Variants in ABLIM2 observed in about 807,000 individuals in gnomAD.
ABLIM2 encodes the protein actin-binding LIM protein 2.
Under a neutral mutation model 97.7 loss-of-function variants are expected in ABLIM2, and 53 were observed. The observed-to-expected ratio is 0.54, with a 90% CI of 0.44 to 0.68. The LOEUF (loss-of-function observed/expected upper bound fraction) is 0.68, where lower values mean the gene tolerates loss of function less well. Among genes scored for constraint, ABLIM2 ranks in the 30% least tolerant of loss-of-function variants. The pLI is 0.00. For missense variants in ABLIM2, 835 were observed against 867.2 expected, an observed-to-expected ratio of 0.96 and a Z score of 0.47; for synonymous variants, 361 against 345.8, an observed-to-expected ratio of 1.04 and a Z score of -0.49.
chr4:8,084,249 C>T (rs780970447), intron 4 of ABLIM2, among the ~76,000 whole-genome samples: 10 of 152,196 alleles, frequency 6.6e-5, no homozygotes, highest in East Asian at 1.9e-4. Flanking sequence ...AGGACTAGAC[C>T]GGGACAGGCC....
At chr4:7,981,605 C>G (rs1399104835) in intron 20 of ABLIM2, among the ~76,000 whole-genome samples, 1 of 152,302 alleles carries the variant, frequency 6.6e-6, no homozygotes, top group South Asian at 2.1e-4. Context: ...TCCTTCTCTG[C>G]TTAAGTCACT....
intron 4 of ABLIM2, among the ~76,000 whole-genome samples, chr4:8,086,302 AT>A (rs1823574907): frequency 7.2e-6 from 1 of 139,608 alleles, no homozygotes; most frequent in Non-Finnish European, 1.6e-5. Flanking sequence ...AAAAAAAAAA[AT>A]CTCAGACAGT....
intron 6 of ABLIM2, 131 bp downstream of exon 6, chr4:8,077,497 G>T: frequency 1.1e-6 from 1 of 889,930 alleles, no homozygotes; most frequent in Non-Finnish European, 1.7e-6. Flanking sequence ...GGCTGAGCTG[G>T]CAGGAATAGG....
chr4:8,104,538 G>A (rs2152733986), intron 2 of ABLIM2, among the ~76,000 whole-genome samples: 1 of 152,296 alleles, frequency 6.6e-6, no homozygotes, highest in East Asian at 1.9e-4. Context: ...GTCCCTGATA[G>A]TCACCCACGT....
At chr4:7,967,234 G>A (rs906713911) in intron 20 of ABLIM2, 131 bp from the exon 21 acceptor site, 10 of 742,782 alleles carry the variant, frequency 1.3e-5, no homozygotes, top group South Asian at 4.7e-5. Context: ...CAGCGTGCTC[G>A]GCCTCCTGGC....
intron 3 of ABLIM2, among the ~76,000 whole-genome samples, chr4:8,090,714 TA>T (rs1561317855): frequency 4.2e-4 from 64 of 152,156 alleles, no homozygotes; most frequent in African/African-American, 1.4e-3. Flanking sequence ...TCTTTTTTTT[TA>T]TTTTTATTTT....
chr4:7,983,998 C>A (rs7686387), intron 18 of ABLIM2, among the ~76,000 whole-genome samples: 1 of 152,188 alleles, frequency 6.6e-6, no homozygotes, highest in Non-Finnish European at 1.5e-5. Context: ...ATTAACTCTA[C>A]ATTTTCTCTT....
At chr4:8,057,023 G>A (rs1005836429) in intron 7 of ABLIM2, among the ~76,000 whole-genome samples, 2 of 146,820 alleles carry the variant, frequency 1.4e-5, no homozygotes, top group African/African-American at 5.1e-5. Context: ...GCTATACAAT[G>A]TGGACAGATA....
chr4:8,006,265 T>C (rs1211933222), intron 16 of ABLIM2, among the ~76,000 whole-genome samples: 2 of 152,108 alleles, frequency 1.3e-5, no homozygotes, highest in Non-Finnish European at 2.9e-5. Flanking sequence ...GTCCGGCTTC[T>C]CCCACACAGC....
At chr4:8,077,423 A>C (rs1216296637) in intron 6 of ABLIM2, among the ~76,000 whole-genome samples, 1 of 152,238 alleles carries the variant, frequency 6.6e-6, no homozygotes, top group Non-Finnish European at 1.5e-5. Context: ...AGAGCATCAC[A>C]AGGCAGGCTT....
In ABLIM2 at chr4:8,008,064, T is replaced by G. The variant is rs761926987; in HGVS notation, c.1613A>C (p.His538Pro). The change falls in exon 16 of 21, where the codon CAC becomes CCC. Residue 538 changes from histidine (H) to proline (P), a missense_variant. His to Pro is a moderately conservative substitution (Grantham distance 77). Transcript: ENST00000447017. Reference sequence around the variant, plus strand: ...TCTTCAAAAGAACCACTCACGTGAGTGAAAGCTGTCCCCTGCCATCCTTTG... The same window carrying G: ...TCTTCAAAAGAACCACTCACGTGAGGGAAAGCTGTCCCCTGCCATCCTTTG... ...PLQRMAGDSF[H>P]SRFPYSKSDP... 5.0e-6 allele frequency: 8 copies of G among 1,613,794 alleles called. No homozygotes were observed. Among genetic ancestry groups the G allele is most frequent in the African/African-American group, 1.3e-5 (1 of 74,932 alleles).
At chr4:7,978,973 C>T (rs1257020996) in intron 20 of ABLIM2, among the ~76,000 whole-genome samples, 1 of 152,146 alleles carries the variant, frequency 6.6e-6, no homozygotes, top group African/African-American at 2.4e-5. Flanking sequence ...GGATTTGCAG[C>T]CTCATCTGCG....
At chr4:7,980,938 C>CT in intron 20 of ABLIM2, among the ~76,000 whole-genome samples, 1 of 38,492 alleles carries the variant, frequency 2.6e-5, no homozygotes, top group South Asian at 5.6e-4. Flanking sequence ...TCCACAACCC[C>CT]TTATTTTTTT....
At chr4:8,040,489 T>C (rs1787671859) in intron 9 of ABLIM2, among the ~76,000 whole-genome samples, 1 of 151,720 alleles carries the variant, frequency 6.6e-6, no homozygotes, top group Non-Finnish European at 1.5e-5. Context: ...TGGGCGCCTG[T>C]AATCTCACAG....
At chr4:8,098,789 G>A (rs199949709) in intron 2 of ABLIM2, among the ~76,000 whole-genome samples, 122 of 152,296 alleles carry the variant, frequency 8.0e-4, no homozygotes, top group East Asian at 4.0e-3. Flanking sequence ...TGAGCATCCC[G>A]TGAGCCAGTG....
chr4:7,983,270 T>C lies in ABLIM2; in HGVS notation c.1818A>G (p.Arg606=), dbSNP rs773292428. Residue 606 remains arginine (R), a synonymous_variant, in exon 20 of 21, where the codon AGA becomes AGG. Transcript: ENST00000447017. ...CCGGCAGTCCCCCGCTTACCTCCAG[T>C]CTCGTCCGGTCCACGTCTTTGGGCA... ...VKLPKDVDRT[R]LERHLSPEEF... is the part of the protein sequence containing the mutation. 30 of 1,610,616 alleles carry C rather than the reference T, an allele frequency of 1.9e-5. No individual in the cohort carries two copies. Among genetic ancestry groups the C allele is most frequent in the Non-Finnish European group, 2.5e-5 (29 of 1,178,872 alleles).
At chr4:7,989,535 CTT>C (rs1218622135) in intron 17 of ABLIM2, 7 of 524,188 alleles carry the variant, frequency 1.3e-5, no homozygotes, top group Non-Finnish European at 1.7e-5. Flanking sequence ...TAGTGTTCTC[CTT>C]TTATACTATT....
rs777859830 is a variant in ABLIM2 at position 7,970,694 on chromosome 4, T to C, written c.1825-3591A>G. On this transcript the variant is annotated intron_variant, in intron 20 of 20. Coordinates refer to ENST00000447017, the MANE Select transcript of ABLIM2 (RefSeq NM_001130083.2). The surrounding 1 kb of genome is among the most constrained non-coding windows in gnomAD (Gnocchi z 5.3). ...CTTGGGGATGACTGTGGGGGGGCGG[T>C]GGAGGGAGCATCTGGGTGGCTTCTG... Among the ~76,000 whole-genome samples the C allele has an allele frequency of 6.7e-6, 1 of 149,934 alleles. No homozygotes were observed. Among genetic ancestry groups the C allele is most frequent in the African/African-American group, 2.5e-5 (1 of 40,616 alleles).
chr4:7,973,075 C>CTGTGTGTGTG (rs71175444), intron 20 of ABLIM2, among the ~76,000 whole-genome samples: 17,376 of 123,828 alleles, frequency 0.14, 1,742 homozygotes, highest in Non-Finnish European at 0.18. Flanking sequence ...GCTCCCCTTG[C>CTGTGTGTGTG]TGTGTGTGTG....
Sources: allele counts gnomAD v4.1 joint callset (sites outside exome capture counted in the v4.1 genomes callset), GRCh38; gene constraint gnomAD v4.1.1; non-coding constraint Gnocchi (gnomAD v3.1); transcripts MANE v1.5; gene names NCBI Gene and HGNC (gene_info 2026-07-23, HGNC 2026-07-21).